Variants in KCNMA1 observed in about 807,000 individuals in gnomAD.
KCNMA1 encodes the protein potassium calcium-activated channel subfamily M alpha 1.
A neutral mutation model predicts 140.0 loss-of-function variants in KCNMA1; 29 were observed. The ratio of observed to expected loss-of-function variants is 0.21; its 90% CI spans 0.15 to 0.28. KCNMA1 has a LOEUF of 0.28. KCNMA1 is among the 10% of genes least tolerant of loss of function. The pLI, the probability that KCNMA1 is intolerant of heterozygous loss-of-function variation, is 1.00. For synonymous variants in KCNMA1, 612 were observed against 611.9 expected, an observed-to-expected ratio of 1.00 and a Z score of 0.00; for missense variants, 880 against 1,602.2, an observed-to-expected ratio of 0.55 and a Z score of 7.70.
chr10:77,623,779 A>G (rs140418660), intron 1 of KCNMA1, among the ~76,000 whole-genome samples: 52 of 152,246 alleles, frequency 3.4e-4, no homozygotes, highest in African/African-American at 9.6e-4. Flanking sequence ...GTACAGAAGA[A>G]ACAAAATGTA....
chr10:77,577,311 G>T lies in KCNMA1; in HGVS notation c.378+59954C>A, dbSNP rs186916287. Among the ~76,000 whole-genome samples, 184 of 152,010 alleles carry T rather than the reference G, an allele frequency of 1.2e-3. 1 individual carries two copies. Among genetic ancestry groups the T allele is most frequent in the African/African-American group, 4.3e-3 (178 of 41,450 alleles). ...GATCCACTCGCCTCGGCCTCCCAAA[G>T]TGCTGGGATTGCAGGCGTGAGCCAC... On this transcript the variant is annotated intron_variant, in intron 1 of 27. Transcript: ENST00000286628.
chr10:76,947,209 T>A (rs1216206452), intron 22 of KCNMA1, among the ~76,000 whole-genome samples: 1 of 151,580 alleles, frequency 6.6e-6, no homozygotes, highest in Non-Finnish European at 1.5e-5. Context: ...TGGTGGTGCA[T>A]GCCTGTAAAC....
At chr10:76,993,062 A>C (rs1165218845) in intron 19 of KCNMA1, among the ~76,000 whole-genome samples, 2 of 152,152 alleles carry the variant, frequency 1.3e-5, no homozygotes, top group Non-Finnish European at 2.9e-5. Flanking sequence ...TGAAGCTACC[A>C]CCTGCAGCTG....
At chr10:77,445,809 C>T (rs778980838) in intron 1 of KCNMA1, among the ~76,000 whole-genome samples, 3 of 152,184 alleles carry the variant, frequency 2.0e-5, no homozygotes, top group Non-Finnish European at 4.4e-5. Context: ...CGCAAACAGG[C>T]GATGGGGCCG....
At chr10:77,587,386 G>C (rs568496314) in intron 1 of KCNMA1, among the ~76,000 whole-genome samples, 6 of 152,116 alleles carry the variant, frequency 3.9e-5, no homozygotes, top group Admixed American at 6.5e-5. Context: ...GCATTATAAT[G>C]AGAAAGCAAA....
chr10:76,889,614 C>T (rs746293011), intron 26 of KCNMA1, 45 bp from the exon 27 acceptor site: 2 of 1,461,850 alleles, frequency 1.4e-6, no homozygotes, highest in South Asian at 2.3e-5. Flanking sequence ...TTTTTATTTG[C>T]CTGAAAATCA....
chr10:77,133,417 G>T (rs1057037675), intron 5 of KCNMA1, among the ~76,000 whole-genome samples: 1 of 151,670 alleles, frequency 6.6e-6, no homozygotes, highest in Admixed American at 6.6e-5. Context: ...AAGACATACA[G>T]AAAAGTTAGA....
chr10:77,206,443 G>A (rs1291881220), intron 3 of KCNMA1, among the ~76,000 whole-genome samples: 2 of 152,164 alleles, frequency 1.3e-5, no homozygotes, highest in African/African-American at 4.8e-5. Flanking sequence ...CACTGATTAA[G>A]GGCTCATTAA....
At chr10:77,103,628 A>G (rs1407899672) in intron 9 of KCNMA1, among the ~76,000 whole-genome samples, 1 of 152,230 alleles carries the variant, frequency 6.6e-6, no homozygotes, top group African/African-American at 2.4e-5. Context: ...GAAAATGTTG[A>G]AATCCACAAA....
chr10:77,463,265 C>T, intron 1 of KCNMA1, among the ~76,000 whole-genome samples: 1 of 152,166 alleles, frequency 6.6e-6, no homozygotes, highest in Admixed American at 6.5e-5. Flanking sequence ...TGTTACCTCC[C>T]CACAGTGGGA....
At position 77,156,969 on chromosome 10, in the gene KCNMA1, G is replaced by C. The variant is rs2098493700; in HGVS notation, c.808+26452C>G. 2.6e-5 allele frequency among the ~76,000 whole-genome samples: 4 copies of C among 152,098 alleles called. No individual in the cohort carries two copies. In the South Asian group the frequency reaches 8.3e-4, roughly 32 times the overall value. ...AAAAACTCCTAACCTCCTAGCCTTT[G>C]GGGAGACTGATTTGAAGGATAACCC... On this transcript the variant is annotated intron_variant, in intron 5 of 27. Coordinates refer to ENST00000286628, the MANE Select transcript of KCNMA1 (RefSeq NM_001161352.2).
At chr10:77,353,387 T>C (rs990104860) in intron 2 of KCNMA1, among the ~76,000 whole-genome samples, 6 of 152,124 alleles carry the variant, frequency 3.9e-5, no homozygotes, top group African/African-American at 1.2e-4. Context: ...AAGCTCTATT[T>C]AGATGAATCA....
chr10:77,023,064 C>T (rs988049267), intron 16 of KCNMA1: 1 of 374,680 alleles, frequency 2.7e-6, no homozygotes, highest in Non-Finnish European at 5.4e-6. Context: ...GGAAATGCCT[C>T]TATCAGGTCC....
chr10:77,098,599 T>C (rs994797178), intron 9 of KCNMA1, among the ~76,000 whole-genome samples: 5 of 152,238 alleles, frequency 3.3e-5, no homozygotes, highest in African/African-American at 1.2e-4. Flanking sequence ...AAAAAACTTT[T>C]CTTCTTAAGT....
At chr10:77,375,461 G>A (rs969759525) in intron 2 of KCNMA1, among the ~76,000 whole-genome samples, 18 of 152,150 alleles carry the variant, frequency 1.2e-4, no homozygotes, top group Non-Finnish European at 2.2e-4. Flanking sequence ...GAATTCACGC[G>A]GCTGTTAATG....
chr10:77,463,286 C>CT (rs1566980308), intron 1 of KCNMA1, among the ~76,000 whole-genome samples: 3 of 152,146 alleles, frequency 2.0e-5, no homozygotes, highest in Admixed American at 1.3e-4. Flanking sequence ...AGGTGAAGGG[C>CT]TTAGGAGACC....
intron 17 of KCNMA1, among the ~76,000 whole-genome samples, chr10:77,013,140 T>C (rs1247735455): frequency 6.6e-6 from 1 of 152,216 alleles, no homozygotes; most frequent in East Asian, 1.9e-4. Context: ...ATTTGATTCT[T>C]AGGTTCCTTT....
chr10:77,090,006 A>G (rs931469674), intron 10 of KCNMA1, among the ~76,000 whole-genome samples: 1 of 152,126 alleles, frequency 6.6e-6, no homozygotes, highest in Admixed American at 6.5e-5. Flanking sequence ...TTGGTCACCA[A>G]CTGACTCCAG....
intron 25 of KCNMA1, chr10:76,904,507 A>G (rs1461892971): frequency 6.6e-6 from 1 of 152,050 alleles, no homozygotes; most frequent in Non-Finnish European, 1.5e-5. Context: ...TAACACTGTT[A>G]TAATATGCTT....
Sources: gnomAD v4.1 joint callset for allele counts (sites outside exome capture counted in the v4.1 genomes callset) on GRCh38, gnomAD v4.1.1 for gene constraint, MANE v1.5 for transcripts, NCBI Gene and HGNC (gene_info 2026-07-23, HGNC 2026-07-21) for gene names.